FSHR: variants seen among roughly 807,000 people sequenced by gnomAD.
The protein encoded by FSHR is follicle-stimulating hormone receptor.
A neutral mutation model predicts 52.1 loss-of-function variants in FSHR; 46 were observed. That is an observed-to-expected ratio of 0.88 (90% CI 0.70 to 1.13). The LOEUF is 1.13. FSHR is among the 50% of genes most tolerant of loss of function. The pLI is 0.00. For synonymous variants in FSHR, 399 were observed against 309.6 expected, an observed-to-expected ratio of 1.29 and a Z score of -3.03; for missense variants, 964 against 834.6, an observed-to-expected ratio of 1.16 and a Z score of -1.91.
intron 1 of FSHR, among the ~76,000 whole-genome samples, chr2:49,079,622 T>C (rs1199551590): frequency 6.6e-6 from 1 of 152,102 alleles, no homozygotes; most frequent in Non-Finnish European, 1.5e-5. Flanking sequence ...TGACAGTGTA[T>C]CATCAAAAAT....
chr2:48,975,122 A>G (rs1489784230), intron 8 of FSHR, among the ~76,000 whole-genome samples: 3 of 152,124 alleles, frequency 2.0e-5, no homozygotes, highest in Non-Finnish European at 4.4e-5. Context: ...GTAAAGCACT[A>G]TTTCTGGGTG....
intron 2 of FSHR, among the ~76,000 whole-genome samples, chr2:49,053,744 G>A (rs574102991): frequency 6.6e-6 from 1 of 152,186 alleles, no homozygotes; most frequent in Non-Finnish European, 1.5e-5. Context: ...AGTAGAGGAG[G>A]CTGGGTTAAA....
chr2:49,095,081 A>G (rs1426633932), intron 1 of FSHR, among the ~76,000 whole-genome samples: 1 of 152,156 alleles, frequency 6.6e-6, no homozygotes, highest in Non-Finnish European at 1.5e-5. Context: ...TACAATTTCT[A>G]TCAAAACGCT....
chr2:48,987,892 GAGCTT>G (rs1675591962), intron 6 of FSHR, among the ~76,000 whole-genome samples: 2 of 150,890 alleles, frequency 1.3e-5, no homozygotes, highest in Non-Finnish European at 2.9e-5. Context: ...CAAATATCAT[GAGCTT>G]ATGTGAAATG....
At chr2:49,081,256 C>G (rs1050064485) in intron 1 of FSHR, among the ~76,000 whole-genome samples, 16 of 151,814 alleles carry the variant, frequency 1.1e-4, no homozygotes, top group African/African-American at 3.4e-4. Flanking sequence ...GCATATATAT[C>G]TCTTAAAAAA....
At chr2:48,993,903 T>A (rs10490118) in intron 4 of FSHR, among the ~76,000 whole-genome samples, 7,046 of 152,268 alleles carry the variant, frequency 0.046, 288 homozygotes, top group Non-Finnish European at 0.069. Flanking sequence ...GCTCCATATA[T>A]GCTAAACTAA....
At chr2:49,037,272 A>T (rs1668301839) in intron 2 of FSHR, among the ~76,000 whole-genome samples, 1 of 152,240 alleles carries the variant, frequency 6.6e-6, no homozygotes. Context: ...CAGTGACCTC[A>T]AGAAACTAAT....
chr2:49,024,290 A>G (rs1667841500), intron 2 of FSHR, among the ~76,000 whole-genome samples: 1 of 151,990 alleles, frequency 6.6e-6, no homozygotes, highest in Non-Finnish European at 1.5e-5. Context: ...AAAAAAAAAT[A>G]AGGGCCGGGT....
At chr2:49,128,161 A>G (rs1054830609) in intron 1 of FSHR, among the ~76,000 whole-genome samples, 5 of 151,880 alleles carry the variant, frequency 3.3e-5, no homozygotes, top group African/African-American at 1.2e-4. Context: ...GATTGCAGGC[A>G]TGATCCACCG....
intron 1 of FSHR, among the ~76,000 whole-genome samples, chr2:49,106,139 C>T (rs545709901): frequency 1.3e-5 from 2 of 152,284 alleles, no homozygotes; most frequent in Admixed American, 6.5e-5. Context: ...GACTCTCTAC[C>T]TGCCTATCTC....
chr2:48,980,620 T>C (rs913449179), intron 8 of FSHR, among the ~76,000 whole-genome samples: 24 of 152,178 alleles, frequency 1.6e-4, no homozygotes, highest in African/African-American at 5.6e-4. Flanking sequence ...GTTATTTTCC[T>C]CTCTATTTTA....
At chr2:49,114,474 A>G (rs1671531022) in intron 1 of FSHR, among the ~76,000 whole-genome samples, 1 of 152,178 alleles carries the variant, frequency 6.6e-6, no homozygotes, top group Non-Finnish European at 1.5e-5. Context: ...AATGAATGAG[A>G]AGGTTTTCAC....
At chr2:49,114,286 G>C (rs2103761462) in intron 1 of FSHR, among the ~76,000 whole-genome samples, 1 of 152,232 alleles carries the variant, frequency 6.6e-6, no homozygotes, top group South Asian at 2.1e-4. Context: ...TGGTGACTGG[G>C]GGCTGATCAC....
chr2:49,065,313 C>A (rs1351109915), intron 2 of FSHR, among the ~76,000 whole-genome samples: 1 of 152,004 alleles, frequency 6.6e-6, no homozygotes, highest in African/African-American at 2.4e-5. Context: ...CTGGGATAGG[C>A]ATGGAAGCTT....
chr2:48,975,692 G>C (rs892129434), intron 8 of FSHR, among the ~76,000 whole-genome samples: 1 of 152,120 alleles, frequency 6.6e-6, no homozygotes, highest in Non-Finnish European at 1.5e-5. Flanking sequence ...TCCTTGAAGA[G>C]GTCCTTCACA....
intron 4 of FSHR, among the ~76,000 whole-genome samples, chr2:49,012,263 C>A (rs1390329058): frequency 1.3e-5 from 2 of 152,100 alleles, no homozygotes; most frequent in African/African-American, 4.8e-5. Context: ...AATAGACAAT[C>A]TTTCATACAC....
At chr2:49,057,831 G>A (rs1482039155) in intron 2 of FSHR, among the ~76,000 whole-genome samples, 1 of 152,162 alleles carries the variant, frequency 6.6e-6, no homozygotes, top group Non-Finnish European at 1.5e-5. Flanking sequence ...TGAGAATTAA[G>A]TGGGATTTAT....
chr2:48,967,370 G>A (rs2300441), intron 9 of FSHR, among the ~76,000 whole-genome samples: 69,374 of 151,988 alleles, frequency 0.46, 15,874 homozygotes, highest in South Asian at 0.48. Flanking sequence ...AAGTGCTGGG[G>A]TTATGGGTGT....
At position 49,020,077 on chromosome 2, in the gene FSHR, C is replaced by T. The variant is rs1435561564; in HGVS notation, c.299+9G>A. 3 of 1,611,926 alleles carry T rather than the reference C, an allele frequency of 1.9e-6. No individual in the cohort carries two copies. The highest frequency in any genetic ancestry group is 1.3e-5 in the African/African-American group (1 of 74,968). ...GGCCATGAGCAAATCCCCCAATCTT[C>T]TTGCTTACATTTCATGTAATTTGGG... On this transcript the variant is annotated intron_variant, in intron 3 of 9. Coordinates refer to ENST00000406846, the MANE Select transcript of FSHR (RefSeq NM_000145.4).
Sources: gnomAD v4.1 joint callset for allele counts (sites outside exome capture counted in the v4.1 genomes callset) on GRCh38, gnomAD v4.1.1 for gene constraint, MANE v1.5 for transcripts, NCBI Gene and HGNC (gene_info 2026-07-23, HGNC 2026-07-21) for gene names.